PCDHGB2: variants seen among roughly 807,000 people sequenced by gnomAD.
PCDHGB2 encodes protocadherin gamma subfamily B, 2.
Under a neutral mutation model 59.3 loss-of-function variants are expected in PCDHGB2, and 55 were observed. That is an observed-to-expected ratio of 0.93 (90% CI 0.75 to 1.16). The LOEUF is 1.16. Ranked by LOEUF, PCDHGB2 falls within the 50% of genes most tolerant of loss-of-function variation. The pLI, the probability that PCDHGB2 is intolerant of heterozygous loss-of-function variation, is 0.00. For synonymous variants in PCDHGB2, 516 were observed against 512.0 expected (o/e 1.01, Z -0.11); for missense variants, 1,228 against 1,198.5 (o/e 1.02, Z -0.36).
intron 1 of PCDHGB2, chr5:141,423,648 G>A (rs1291261924): frequency 2.5e-6 from 4 of 1,590,008 alleles, no homozygotes; most frequent in Middle Eastern, 1.7e-4. Flanking sequence ...AATGTGACCC[G>A]ACAAGTAATC....
At chr5:141,404,859 A>G in intron 1 of PCDHGB2, 1 of 1,613,494 alleles carries the variant, frequency 6.2e-7, no homozygotes, top group South Asian at 1.1e-5. Flanking sequence ...CTAGATAGAG[A>G]TGCGCTCAAA....
At chr5:141,430,874 C>A in intron 1 of PCDHGB2, 2 of 1,598,990 alleles carry the variant, frequency 1.3e-6, no homozygotes, top group East Asian at 4.5e-5. Context: ...TCCGGAAGAG[C>A]TGGAGAAAGG....
rs770249472 is a variant in PCDHGB2, at chr5:141,477,747, C to T, written c.2422-17060C>T. On this transcript the variant is annotated intron_variant, in intron 1 of 3. Transcript: ENST00000522605. The surrounding 1 kb of genome is among the most constrained non-coding windows in gnomAD (Gnocchi z 4.9). ...ACAGCTCATATCAGCGATGGGGGCA[C>T]CCCGGTCCTAGCCACCAACATCAGC... 6.2e-7 allele frequency: 1 copy of T among 1,613,840 alleles called. No individual in the cohort carries two copies. The highest frequency in any genetic ancestry group is 1.7e-5 in the Admixed American group (1 of 60,026).
chr5:141,393,458 G>A (rs181214352), intron 1 of PCDHGB2: 5 of 1,614,020 alleles, frequency 3.1e-6, no homozygotes, highest in African/African-American at 2.7e-5. Context: ...TCACGGCCTC[G>A]GATGGCGGCA....
intron 1 of PCDHGB2, chr5:141,395,097 G>C (rs376460647): frequency 1.9e-6 from 3 of 1,614,158 alleles, no homozygotes; most frequent in Non-Finnish European, 2.5e-6. Flanking sequence ...CCTCACCGCC[G>C]ACTCGCGGAA....
intron 1 of PCDHGB2, among the ~76,000 whole-genome samples, chr5:141,465,104 T>A (rs1044128193): frequency 1.3e-5 from 2 of 151,862 alleles, no homozygotes; most frequent in East Asian, 3.9e-4. Context: ...GTTTTTTTTT[T>A]AAGTGTTTTA....
rs765123370 is a variant in PCDHGB2, at chr5:141,365,478, C to A, written c.2421+2922C>A. On this transcript the variant is annotated intron_variant, in intron 1 of 3. Coordinates refer to ENST00000522605, the MANE Select transcript of PCDHGB2 (RefSeq NM_018923.3). ...GATTCTGGAGAAAATGGTGAGATTGCATGCTCTATTCCTAGGAATTTGCCT... is the reference window on the plus strand; with the variant it reads ...GATTCTGGAGAAAATGGTGAGATTGAATGCTCTATTCCTAGGAATTTGCCT... The A allele has an allele frequency of 8.1e-6, 13 of 1,614,014 alleles. No homozygotes were observed. In the South Asian group the frequency reaches 1.4e-4, roughly 18 times the overall value.
chr5:141,419,869 G>A, intron 1 of PCDHGB2: 3 of 1,614,072 alleles, frequency 1.9e-6, no homozygotes, highest in South Asian at 1.1e-5. Flanking sequence ...GCTTGCAAGA[G>A]GTACTGCCGG....
chr5:141,372,962 A>T, intron 1 of PCDHGB2: 2 of 706,258 alleles, frequency 2.8e-6, no homozygotes, highest in Non-Finnish European at 4.5e-6. Context: ...TCTTTGTAGA[A>T]TTTCCTGTAG....
At position 141,430,782 on chromosome 5, in the gene PCDHGB2, G is replaced by C. The variant is rs1220976669; in HGVS notation, c.2422-64025G>C. 2.0e-6 allele frequency: 3 copies of C among 1,510,858 alleles called. No individual in the cohort carries two copies. The East Asian group carries it at 6.9e-5, about 35-fold the overall frequency. 93.6% of individuals were successfully genotyped at this position (1,510,858 alleles called of 1,614,324 possible). A position where few individuals can be genotyped will look rare whatever the true frequency, so the allele number is the denominator to read the frequency against. ...AGAATGATTCCTGCGCGACTGCACC[G>C]GGACTACAAAGGGCTTGTCCTGCTG... On this transcript the variant is annotated intron_variant, in intron 1 of 3. Coordinates refer to ENST00000522605, the MANE Select transcript of PCDHGB2 (RefSeq NM_018923.3).
Position 141,405,365 on chromosome 5 carries a change from C to T in PCDHGB2, c.2421+42809C>T, listed in dbSNP as rs773382376. 2.5e-6 allele frequency: 4 copies of T among 1,613,614 alleles called. No homozygotes were observed. The Admixed American group carries it at 5.0e-5, about 20-fold the overall frequency. On this transcript the variant is annotated intron_variant, in intron 1 of 3. Transcript: ENST00000522605. ...TTCCAAGTTTCCTATAGAAGACACC[C>T]CTTTGGTTCCGGTGAGTTCATTTTT...
intron 1 of PCDHGB2, among the ~76,000 whole-genome samples, chr5:141,483,276 TA>T (rs755290434): frequency 2.2e-4 from 33 of 152,238 alleles, no homozygotes; most frequent in Non-Finnish European, 3.8e-4. Context: ...TTAGAAATAT[TA>T]TTCTGTCAGT....
At chr5:141,406,371 C>T (rs893677721) in intron 1 of PCDHGB2, among the ~76,000 whole-genome samples, 1 of 152,154 alleles carries the variant, frequency 6.6e-6, no homozygotes, top group African/African-American at 2.4e-5. Context: ...TAAGGGTAAA[C>T]TGATAAAAAG....
chr5:141,379,967 T>C (rs1362425240), intron 1 of PCDHGB2, among the ~76,000 whole-genome samples: 1 of 142,578 alleles, frequency 7.0e-6, no homozygotes, highest in Non-Finnish European at 1.5e-5. Context: ...TGGTGTGATC[T>C]CTGCTCACTG....
intron 1 of PCDHGB2, chr5:141,422,903 A>G (rs1444530801): frequency 1.9e-6 from 3 of 1,614,036 alleles, no homozygotes; most frequent in African/African-American, 2.7e-5. Context: ...CAGAACGACA[A>G]TGCGCCCGAG....
chr5:141,413,721 C>T (rs779673406), intron 1 of PCDHGB2: 1 of 1,613,592 alleles, frequency 6.2e-7, no homozygotes, highest in South Asian at 1.1e-5. Context: ...ATAAGCACTT[C>T]TCCCTAAGAG....
intron 1 of PCDHGB2, chr5:141,409,041 A>T: frequency 6.2e-7 from 1 of 1,613,982 alleles, no homozygotes; most frequent in Non-Finnish European, 8.5e-7. Flanking sequence ...ATAAACTACT[A>T]CTTCCGAAGC....
At chr5:141,381,403 A>G (rs1036443196) in intron 1 of PCDHGB2, among the ~76,000 whole-genome samples, 2 of 152,244 alleles carry the variant, frequency 1.3e-5, no homozygotes, top group East Asian at 1.9e-4. Context: ...CTCTATCAAC[A>G]TCAGTGGAGA....
chr5:141,475,980 C>G (rs758066578), intron 1 of PCDHGB2: 3 of 1,028,500 alleles, frequency 2.9e-6, no homozygotes, highest in Admixed American at 2.4e-5. Context: ...ACTGAACAGC[C>G]GGCGAGCAAA....
Sources: allele counts gnomAD v4.1 joint callset (sites outside exome capture counted in the v4.1 genomes callset), GRCh38; gene constraint gnomAD v4.1.1; non-coding constraint Gnocchi (gnomAD v3.1); transcripts MANE v1.5; gene names NCBI Gene and HGNC (gene_info 2026-07-23, HGNC 2026-07-21).